The following SH3PXD2B variants were observed in gnomAD, a reference collection of about 807,000 sequenced individuals.
The protein encoded by SH3PXD2B is SH3 and PX domains 2B, also known as SH3 and PX domain-containing protein 2B.
Under a neutral mutation model 73.1 loss-of-function variants are expected in SH3PXD2B, and 37 were observed. That is an observed-to-expected ratio of 0.51 (90% CI 0.39 to 0.67). The LOEUF is 0.67. SH3PXD2B is among the 30% of genes least tolerant of loss of function. The pLI, the probability that SH3PXD2B is intolerant of heterozygous loss-of-function variation, is 0.00. For missense variants in SH3PXD2B, 1,053 were observed against 1,197.8 expected, an observed-to-expected ratio of 0.88 and a Z score of 1.78; for synonymous variants, 457 against 480.5, an observed-to-expected ratio of 0.95 and a Z score of 0.64.
chr5:172,373,833 G>T lies in SH3PXD2B; in HGVS notation c.402-18C>A. ...TGTGCTCCCTGTACAGGAAAGAAAG[G>T]GGGTGGGAAGAGTAACGAGTCAGTA... On this transcript the variant is annotated intron_variant, in intron 5 of 12. Transcript: ENST00000311601. 2 of 1,613,918 alleles carry T rather than the reference G, an allele frequency of 1.2e-6. No individual in the cohort carries two copies. The highest frequency in any genetic ancestry group is 1.7e-6 in the Non-Finnish European group (2 of 1,179,834).
At chr5:172,438,652 C>T (rs538777736) in intron 1 of SH3PXD2B, among the ~76,000 whole-genome samples, 5 of 152,250 alleles carry the variant, frequency 3.3e-5, no homozygotes, top group African/African-American at 9.6e-5. Flanking sequence ...GGGAAGTCCA[C>T]GTTCCACCCC....
intron 6 of SH3PXD2B, among the ~76,000 whole-genome samples, chr5:172,368,589 A>AT (rs1317726413): frequency 2.3e-4 from 3 of 13,202 alleles, no homozygotes; most frequent in Admixed American, 1.8e-3. Context: ...TATATATATA[A>AT]AATATGTTAT....
chr5:172,388,296 A>G (rs2731727), intron 4 of SH3PXD2B, among the ~76,000 whole-genome samples: 65,513 of 151,978 alleles, frequency 0.43, 14,897 homozygotes, highest in East Asian at 0.68. Flanking sequence ...AAATAAAGCT[A>G]GTTATGATAG....
Position 172,336,656 on chromosome 5 carries a change from T to C in SH3PXD2B, c.*1713A>G. ...GTGGGTCCAAAAGTATCTCGCCTGA[T>C]GAACACTGTGAACTGGAGATCTCTG... On this transcript the variant is annotated 3_prime_UTR_variant, in exon 13 of 13. Transcript: ENST00000311601. The C allele has an allele frequency of 1.0e-6, 1 of 964,744 alleles. No homozygotes were observed. Among genetic ancestry groups the C allele is most frequent in the South Asian group, 4.8e-5 (1 of 20,778 alleles). The allele number at this position is 964,744 out of a possible 1,614,324, so 59.8% of individuals were successfully genotyped here.
chr5:172,416,841 C>T (rs771807468), intron 2 of SH3PXD2B, among the ~76,000 whole-genome samples: 5 of 151,576 alleles, frequency 3.3e-5, no homozygotes, highest in Non-Finnish European at 5.9e-5. Context: ...CCCAAGTAGC[C>T]TGGGCTACAG....
At chr5:172,386,911 A>T (rs936776654) in intron 4 of SH3PXD2B, among the ~76,000 whole-genome samples, 3 of 152,230 alleles carry the variant, frequency 2.0e-5, no homozygotes, top group African/African-American at 7.2e-5. Flanking sequence ...TACAGGCGTG[A>T]GCTGATACCA....
Position 172,368,465 on chromosome 5 carries a change from ATATT to A in SH3PXD2B, c.427+5321_427+5324del, listed in dbSNP as rs201097608. Among the ~76,000 whole-genome samples, 2 of 42,956 alleles carry A rather than the reference ATATT, an allele frequency of 4.7e-5. 1 individual carries two copies. Among genetic ancestry groups the A allele is most frequent in the African/African-American group, 2.5e-4 (2 of 7,990 alleles). 28.2% of individuals were successfully genotyped at this position (42,956 alleles called of 152,430 possible). Reference sequence around the variant, plus strand: ...GAGCTAAGAATGCTTATATATATATATATTATATATATATATAAAATATATATAT... The same window carrying A: ...GAGCTAAGAATGCTTATATATATATAATATATATATATAAAATATATATAT... On this transcript the variant is annotated intron_variant, in intron 6 of 12. Transcript: ENST00000311601.
chr5:172,333,580 T>C lies in SH3PXD2B; in HGVS notation c.*4789A>G, dbSNP rs1410655851. ...GAAAGAAGTCAAATGGTAAAGTATA[T>C]AGCCTACACATGCTACAGCTAGTTG... is the stretch of plus-strand genomic sequence containing the variant. On this transcript the variant is annotated 3_prime_UTR_variant, in exon 13 of 13. Coordinates refer to ENST00000311601, the MANE Select transcript of SH3PXD2B (RefSeq NM_001017995.3). 1 of 1,244,780 alleles carries C rather than the reference T, an allele frequency of 8.0e-7. No individual in the cohort carries two copies. The highest frequency in any genetic ancestry group is 1.6e-5 in the African/African-American group (1 of 62,932). 77.1% of individuals were successfully genotyped at this position (1,244,780 alleles called of 1,614,324 possible). A position where few individuals can be genotyped will look rare whatever the true frequency, so the allele number is the denominator to read the frequency against.
chr5:172,370,772 G>A (rs564959362), intron 6 of SH3PXD2B, among the ~76,000 whole-genome samples: 4 of 152,180 alleles, frequency 2.6e-5, no homozygotes, highest in Non-Finnish European at 5.9e-5. Context: ...GATGAAAAAA[G>A]GTTCATTCAT....
intron 6 of SH3PXD2B, among the ~76,000 whole-genome samples, chr5:172,364,876 G>A (rs533832792): frequency 2.0e-4 from 30 of 152,258 alleles, no homozygotes; most frequent in Admixed American, 1.4e-3. Context: ...TTCTCCACTG[G>A]AGAGCTGGTA....
chr5:172,365,636 T>C (rs1042714045), intron 6 of SH3PXD2B, among the ~76,000 whole-genome samples: 2 of 152,126 alleles, frequency 1.3e-5, no homozygotes, highest in African/African-American at 2.4e-5. Context: ...AAGATGACAG[T>C]TCCCCCAAGC....
At chr5:172,373,405 G>A (rs1757750617) in intron 6 of SH3PXD2B, among the ~76,000 whole-genome samples, 1 of 152,230 alleles carries the variant, frequency 6.6e-6, no homozygotes, top group African/African-American at 2.4e-5. Context: ...GTGGAACAAA[G>A]GCATTTAACT....
chr5:172,434,259 T>C (rs768653224), intron 1 of SH3PXD2B, among the ~76,000 whole-genome samples: 1 of 152,090 alleles, frequency 6.6e-6, no homozygotes, highest in South Asian at 2.1e-4. Context: ...ATATTATGTA[T>C]CAATAAAATA....
In SH3PXD2B at chr5:172,339,673, T is replaced by C; in HGVS notation, c.1432A>G (p.Met478Val). ...RPLPDAPHGVMDSGLPWSKDW... is the reference protein window; with the variant it reads ...RPLPDAPHGVVDSGLPWSKDW... The stretch of plus-strand genomic sequence containing the variant: ...TTAGACCATGGCAACCCCGAGTCCA[T>C]GACACCATGCGGTGCGTCAGGCAGG... The change falls in exon 13 of 13, where the codon ATG becomes GTG. Residue 478 changes from methionine to valine, a missense_variant. Coordinates refer to ENST00000311601, the MANE Select transcript of SH3PXD2B (RefSeq NM_001017995.3). This position sits in a 1 kb window ranked among gnomAD's most constrained non-coding sequence, Gnocchi z 6.1. 1 of 1,614,228 alleles carries C rather than the reference T, an allele frequency of 6.2e-7. No individual in the cohort carries two copies. Among genetic ancestry groups the C allele is most frequent in the Non-Finnish European group, 8.5e-7 (1 of 1,180,046 alleles).
At chr5:172,360,943 G>A (rs900276721) in intron 7 of SH3PXD2B, among the ~76,000 whole-genome samples, 6 of 152,182 alleles carry the variant, frequency 3.9e-5, no homozygotes, top group Non-Finnish European at 4.4e-5. Flanking sequence ...TGTTCACACT[G>A]GAGTACGAAT....
chr5:172,351,612 C>T (rs1757159712), intron 9 of SH3PXD2B, among the ~76,000 whole-genome samples: 1 of 152,112 alleles, frequency 6.6e-6, no homozygotes, highest in African/African-American at 2.4e-5. Context: ...CTGGCAAACA[C>T]TGTAACTCAG....
chr5:172,385,159 C>A (rs909989833), intron 4 of SH3PXD2B, among the ~76,000 whole-genome samples: 1 of 152,158 alleles, frequency 6.6e-6, no homozygotes, highest in Non-Finnish European at 1.5e-5. Flanking sequence ...TCCCCATGGG[C>A]CTCTTTTTCC....
At chr5:172,408,671 T>C (rs775553589) in intron 2 of SH3PXD2B, among the ~76,000 whole-genome samples, 1 of 151,160 alleles carries the variant, frequency 6.6e-6, no homozygotes, top group African/African-American at 2.4e-5. Context: ...CCCAAGTAGT[T>C]GGGATTACAG....
At chr5:172,435,716 G>A (rs1395801829) in intron 1 of SH3PXD2B, among the ~76,000 whole-genome samples, 3 of 152,138 alleles carry the variant, frequency 2.0e-5, no homozygotes, top group East Asian at 1.9e-4. Context: ...GAGCCATCAC[G>A]CACAGCCAAG....
Sources: gnomAD v4.1 joint callset for allele counts (sites outside exome capture counted in the v4.1 genomes callset) on GRCh38, gnomAD v4.1.1 for gene constraint, Gnocchi (gnomAD v3.1) non-coding constraint, MANE v1.5 for transcripts, NCBI Gene and HGNC (gene_info 2026-07-23, HGNC 2026-07-21) for gene names.